The following SLC44A5 variants were observed in gnomAD, a reference collection of about 807,000 sequenced individuals.
SLC44A5 encodes solute carrier family 44 member 5.
Under a neutral mutation model 101.8 loss-of-function variants are expected in SLC44A5, and 57 were observed. That is an observed-to-expected ratio of 0.56 (90% CI 0.45 to 0.70). The LOEUF (loss-of-function observed/expected upper bound fraction) is 0.70. Ranked by LOEUF, SLC44A5 falls within the 30% of genes least tolerant of loss-of-function variation. The pLI, the probability that SLC44A5 is intolerant of heterozygous loss-of-function variation, is 0.00. For synonymous variants in SLC44A5, 281 were observed against 290.9 expected, an observed-to-expected ratio of 0.97 and a Z score of 0.35; for missense variants, 737 against 853.1, an observed-to-expected ratio of 0.86 and a Z score of 1.70.
chr1:75,343,927 C>T lies in SLC44A5; in HGVS notation c.53-4297G>A, dbSNP rs187354152. Among the ~76,000 whole-genome samples the T allele has an allele frequency of 3.3e-5, 5 of 152,166 alleles. No homozygotes were observed. In the East Asian group the frequency reaches 9.7e-4, roughly 29 times the overall value. On this transcript the variant is annotated intron_variant, in intron 3 of 23. Coordinates refer to ENST00000370859, the MANE Select transcript of SLC44A5 (RefSeq NM_001130058.2). Reference sequence around the variant, plus strand: ...AGCCATTTCTTACAGGATGATGTTCCCACTTCTTAGCCCAACACACATGGC... The same window carrying T: ...AGCCATTTCTTACAGGATGATGTTCTCACTTCTTAGCCCAACACACATGGC...
At chr1:75,715,143 C>T in the SLC44A5 span, among the ~76,000 whole-genome samples, 3 of 152,154 alleles carry the variant, frequency 2.0e-5, no homozygotes, top group African/African-American at 4.8e-5. Flanking sequence ...AGAAATCACA[C>T]ACAACACAGA....
chr1:75,573,915 G>A (rs930742147), intron 1 of SLC44A5, among the ~76,000 whole-genome samples: 2 of 152,122 alleles, frequency 1.3e-5, no homozygotes, highest in Non-Finnish European at 2.9e-5. Flanking sequence ...TCTTCTACCC[G>A]AATATATTTA....
chr1:75,615,618 G>C (rs573497483), upstream of SLC44A5, among the ~76,000 whole-genome samples: 4 of 152,198 alleles, frequency 2.6e-5, no homozygotes, highest in South Asian at 2.1e-4. Flanking sequence ...GGTGAGAGAG[G>C]AGTCTCCAGG....
At chr1:75,385,362 A>C (rs1661242002) in intron 3 of SLC44A5, among the ~76,000 whole-genome samples, 1 of 151,474 alleles carries the variant, frequency 6.6e-6, no homozygotes, top group Non-Finnish European at 1.5e-5. Flanking sequence ...ACAATAAAAA[A>C]TGATAAAGGG....
chr1:75,545,737 C>T (rs570150557), intron 1 of SLC44A5, among the ~76,000 whole-genome samples: 64 of 152,178 alleles, frequency 4.2e-4, no homozygotes, highest in African/African-American at 1.5e-3. Flanking sequence ...CTGAATAAAT[C>T]ATTTTATAAT....
chr1:75,521,480 T>C (rs1235578383), intron 2 of SLC44A5: 3 of 152,192 alleles, frequency 2.0e-5, no homozygotes, highest in African/African-American at 7.2e-5. Context: ...TTTATAGTGA[T>C]TAAAGAGCTA....
In SLC44A5 at chr1:75,202,256, G is replaced by A. The variant is rs1193397836; in HGVS notation, c.*1471C>T. 1.3e-5 allele frequency: 2 copies of A among 152,092 alleles called. No individual in the cohort carries two copies. The highest frequency in any genetic ancestry group is 4.8e-5 in the African/African-American group (2 of 41,424). The allele number at this position is 152,092 out of a possible 1,614,324, so 9.4% of individuals were successfully genotyped here. ...AATACGTTTCTAACATTTCTGCACAGCAGAAGCACACTGATTATAGAGCTC... is the reference window on the plus strand; with the variant it reads ...AATACGTTTCTAACATTTCTGCACAACAGAAGCACACTGATTATAGAGCTC... On this transcript the variant is annotated 3_prime_UTR_variant, in exon 24 of 24. Transcript: ENST00000370859.
chr1:75,268,810 A>G (rs1326657340), intron 6 of SLC44A5, among the ~76,000 whole-genome samples: 1 of 152,116 alleles, frequency 6.6e-6, no homozygotes, highest in Non-Finnish European at 1.5e-5. Context: ...TCTCTACCCA[A>G]TAATTAATGA....
intron 23 of SLC44A5, among the ~76,000 whole-genome samples, chr1:75,204,134 T>C (rs1646709346): frequency 6.6e-6 from 1 of 152,224 alleles, no homozygotes; most frequent in South Asian, 2.1e-4. Flanking sequence ...ACCTTCTTTT[T>C]TTCAATTTAC....
At chr1:75,564,546 G>A (rs1323564186) in intron 1 of SLC44A5, among the ~76,000 whole-genome samples, 8 of 151,432 alleles carry the variant, frequency 5.3e-5, no homozygotes, top group Admixed American at 1.3e-4. Context: ...TAGGACCCAT[G>A]ATCTTTAACT....
At chr1:75,549,012 T>C (rs919901755) in intron 1 of SLC44A5, among the ~76,000 whole-genome samples, 9 of 152,162 alleles carry the variant, frequency 5.9e-5, no homozygotes, top group African/African-American at 1.7e-4. Context: ...ATGGCTATAA[T>C]CTCAGCCAGG....
At chr1:75,404,315 A>G (rs893049790) in intron 2 of SLC44A5, among the ~76,000 whole-genome samples, 1 of 152,194 alleles carries the variant, frequency 6.6e-6, no homozygotes. Flanking sequence ...CTAGCAAGAA[A>G]GGCCAACATG....
At chr1:75,471,567 A>G (rs1280948517) in intron 2 of SLC44A5, among the ~76,000 whole-genome samples, 1 of 152,134 alleles carries the variant, frequency 6.6e-6, no homozygotes, top group Non-Finnish European at 1.5e-5. Context: ...CAAGCAAAAG[A>G]TCTCAAGAGA....
the SLC44A5 span, among the ~76,000 whole-genome samples, chr1:75,715,795 T>C: frequency 2.0e-5 from 3 of 152,048 alleles, no homozygotes; most frequent in African/African-American, 7.2e-5. Context: ...AATTGACAAA[T>C]AGGACCCAAT....
At chr1:75,290,895 G>T (rs1279866991) in intron 5 of SLC44A5, among the ~76,000 whole-genome samples, 3 of 152,150 alleles carry the variant, frequency 2.0e-5, no homozygotes, top group Non-Finnish European at 4.4e-5. Context: ...AGAATTTACT[G>T]CTACATGAAA....
intron 2 of SLC44A5, among the ~76,000 whole-genome samples, chr1:75,483,916 G>T (rs1047120654): frequency 6.6e-6 from 1 of 151,994 alleles, no homozygotes; most frequent in African/African-American, 2.4e-5. Context: ...GAGTGAGGTG[G>T]GAAGTGCCAC....
At chr1:75,551,133 C>G (rs1234703544) in intron 1 of SLC44A5, among the ~76,000 whole-genome samples, 1 of 152,054 alleles carries the variant, frequency 6.6e-6, no homozygotes, top group Non-Finnish European at 1.5e-5. Context: ...TGCTGATTCT[C>G]TGTTCCCACT....
At chr1:75,287,028 A>G (rs1033881090) in intron 5 of SLC44A5, among the ~76,000 whole-genome samples, 1 of 152,116 alleles carries the variant, frequency 6.6e-6, no homozygotes, top group African/African-American at 2.4e-5. Flanking sequence ...TAGTCCCTCA[A>G]ATATGTTATC....
chr1:75,357,497 C>T (rs963292464), intron 3 of SLC44A5, among the ~76,000 whole-genome samples: 6 of 152,098 alleles, frequency 3.9e-5, no homozygotes, highest in African/African-American at 1.4e-4. Context: ...AGCAGAAATA[C>T]ACAAATGTAC....
Sources: allele counts gnomAD v4.1 joint callset (sites outside exome capture counted in the v4.1 genomes callset), GRCh38; gene constraint gnomAD v4.1.1; transcripts MANE v1.5; gene names NCBI Gene and HGNC (gene_info 2026-07-23, HGNC 2026-07-21).